Variants in CLVS1 observed in about 807,000 individuals in gnomAD.
The protein encoded by CLVS1 is clavesin-1.
A neutral mutation model predicts 33.1 loss-of-function variants in CLVS1; 10 were observed. That is an observed-to-expected ratio of 0.30 (90% CI 0.19 to 0.51). CLVS1 has a LOEUF of 0.51. Ranked by LOEUF, CLVS1 falls within the 20% of genes least tolerant of loss-of-function variation. The pLI is 0.97. For missense variants in CLVS1, 343 were observed against 433.4 expected (o/e 0.79, Z 1.85); for synonymous variants, 163 against 166.1 (o/e 0.98, Z 0.14).
chr8:61,404,112 G>C (rs1187169382), intron 3 of CLVS1, among the ~76,000 whole-genome samples: 1 of 152,176 alleles, frequency 6.6e-6, no homozygotes, highest in Non-Finnish European at 1.5e-5. Context: ...GATAAATATG[G>C]ATGGGTGACT....
the CLVS1 span, among the ~76,000 whole-genome samples, chr8:61,001,528 C>T: frequency 1.3e-5 from 2 of 152,202 alleles, no homozygotes; most frequent in African/African-American, 4.8e-5. Context: ...CCAAACACAC[C>T]TTACAGTTTT....
At chr8:61,480,254 T>G (rs1308747905) in intron 5 of CLVS1, among the ~76,000 whole-genome samples, 1 of 152,220 alleles carries the variant, frequency 6.6e-6, no homozygotes, top group Admixed American at 6.5e-5. Flanking sequence ...CCCGGCTGCT[T>G]TGTTTACCTA....
At chr8:61,357,316 G>T (rs1003171079) in intron 2 of CLVS1, among the ~76,000 whole-genome samples, 2 of 151,924 alleles carry the variant, frequency 1.3e-5, no homozygotes, top group Non-Finnish European at 2.9e-5. Context: ...CTTTCTTTCA[G>T]CTTACTATTA....
chr8:61,265,900 C>T (rs1002509001), intron 2 of CLVS1, among the ~76,000 whole-genome samples: 2 of 152,218 alleles, frequency 1.3e-5, no homozygotes, highest in African/African-American at 2.4e-5. Flanking sequence ...TCAGTTGTCA[C>T]CCCTTCCAAG....
At chr8:61,473,377 T>G (rs1586024082) in intron 5 of CLVS1, among the ~76,000 whole-genome samples, 1 of 143,650 alleles carries the variant, frequency 7.0e-6, no homozygotes, top group Non-Finnish European at 1.5e-5. Flanking sequence ...CCAGAAACAT[T>G]GGAGAGCAGA....
intron 1 of CLVS1, among the ~76,000 whole-genome samples, chr8:61,128,199 C>G (rs142930494): frequency 6.6e-6 from 1 of 152,258 alleles, no homozygotes; most frequent in East Asian, 1.9e-4. Context: ...AGTCATGATA[C>G]CAAGACTTAT....
At chr8:61,356,778 C>T (rs1298052554) in intron 2 of CLVS1, among the ~76,000 whole-genome samples, 2 of 152,160 alleles carry the variant, frequency 1.3e-5, no homozygotes, top group Non-Finnish European at 2.9e-5. Flanking sequence ...ATCTATATCT[C>T]TGTTTTGGTA....
intron 2 of CLVS1, among the ~76,000 whole-genome samples, chr8:61,358,119 G>T (rs1464761617): frequency 6.6e-6 from 1 of 152,202 alleles, no homozygotes; most frequent in Non-Finnish European, 1.5e-5. Context: ...ACACGATGAA[G>T]TGCCACCACA....
At chr8:61,339,150 A>C (rs1811919131) in intron 2 of CLVS1, among the ~76,000 whole-genome samples, 1 of 152,122 alleles carries the variant, frequency 6.6e-6, no homozygotes, top group African/African-American at 2.4e-5. Context: ...AGGGGAGGCC[A>C]GCATGAGCTG....
At chr8:61,230,409 C>T (rs1808408299) in intron 2 of CLVS1, among the ~76,000 whole-genome samples, 1 of 152,042 alleles carries the variant, frequency 6.6e-6, no homozygotes, top group African/African-American at 2.4e-5. Context: ...TCAGTGGTCT[C>T]ATCTATAAAA....
chr8:61,170,225 G>A (rs1806965529), intron 2 of CLVS1, among the ~76,000 whole-genome samples: 1 of 152,114 alleles, frequency 6.6e-6, no homozygotes, highest in Admixed American at 6.6e-5. Context: ...ACTATGTGGT[G>A]AGCCAGGTCC....
intron 2 of CLVS1, chr8:61,274,137 C>T (rs1406722426): frequency 6.6e-6 from 1 of 152,200 alleles, no homozygotes; most frequent in African/African-American, 2.4e-5. Context: ...ATATTTTAAA[C>T]ATTTCACATG....
rs895098572 is a variant in CLVS1 at position 61,500,876 on chromosome 8, A to G, written c.*1334A>G. The G allele has an allele frequency of 1.3e-5, 2 of 152,192 alleles. No homozygotes were observed. The highest frequency in any genetic ancestry group is 4.8e-5 in the African/African-American group (2 of 41,462). The allele number at this position is 152,192 out of a possible 1,614,324, so 9.4% of individuals were successfully genotyped here. A position where few individuals can be genotyped will look rare whatever the true frequency, so the allele number is the denominator to read the frequency against. On this transcript the variant is annotated 3_prime_UTR_variant, in exon 6 of 6. Transcript: ENST00000325897. Reference sequence around the variant, plus strand: ...ATTTGTTAGCTAAATAATTCAAGGGAAAGAGATTATTCAACTGGTCATAAT... The same window carrying G: ...ATTTGTTAGCTAAATAATTCAAGGGGAAGAGATTATTCAACTGGTCATAAT...
intron 2 of CLVS1, among the ~76,000 whole-genome samples, chr8:61,196,710 C>T (rs1807618802): frequency 6.6e-6 from 1 of 152,174 alleles, no homozygotes; most frequent in African/African-American, 2.4e-5. Flanking sequence ...TTGTGGATTG[C>T]TGTATTTAGG....
chr8:61,272,121 G>T (rs1809453429), intron 2 of CLVS1, among the ~76,000 whole-genome samples: 1 of 151,574 alleles, frequency 6.6e-6, no homozygotes, highest in Admixed American at 6.6e-5. Flanking sequence ...TGATTTTGCA[G>T]CGGCTGGTAC....
At chr8:61,177,383 G>A (rs1807134297) in intron 2 of CLVS1, among the ~76,000 whole-genome samples, 1 of 152,206 alleles carries the variant, frequency 6.6e-6, no homozygotes, top group Non-Finnish European at 1.5e-5. Context: ...CCATGGACCA[G>A]CATAATTAGT....
intron 5 of CLVS1, among the ~76,000 whole-genome samples, chr8:61,482,166 G>A (rs573392582): frequency 6.6e-6 from 1 of 152,300 alleles, no homozygotes. Flanking sequence ...CTAACAAACA[G>A]AAAGGACATC....
At chr8:61,410,131 A>G (rs16927301) in intron 3 of CLVS1, among the ~76,000 whole-genome samples, 3,017 of 134,864 alleles carry the variant, frequency 0.022, 101 homozygotes, top group African/African-American at 0.079. Context: ...AGTATTTATC[A>G]GTCTTACATA....
chr8:61,463,802 C>A lies in CLVS1; in HGVS notation c.977+5260C>A, dbSNP rs796095448. On this transcript the variant is annotated intron_variant, in intron 5 of 5. Coordinates refer to ENST00000325897, the MANE Select transcript of CLVS1 (RefSeq NM_173519.3). ...AAAGTTTGGGCCGGGTGCAGTGGCT[C>A]AAGCCTGTAATCCTACCACTTTGGG... Among the ~76,000 whole-genome samples, 94 of 152,210 alleles carry A rather than the reference C, an allele frequency of 6.2e-4. 1 individual carries two copies. The highest frequency in any genetic ancestry group is 1.8e-3 in the Admixed American group (28 of 15,286).
Sources: gnomAD v4.1 joint callset for allele counts (sites outside exome capture counted in the v4.1 genomes callset) on GRCh38, gnomAD v4.1.1 for gene constraint, MANE v1.5 for transcripts, NCBI Gene and HGNC (gene_info 2026-07-23, HGNC 2026-07-21) for gene names.